L3MBTL4: variants seen among roughly 807,000 people sequenced by gnomAD.
The protein encoded by L3MBTL4 is lethal(3)malignant brain tumor-like protein 4.
L3MBTL4 carries 70 observed loss-of-function variants against 84.5 expected under a neutral mutation model. The ratio of observed to expected loss-of-function variants is 0.83; its 90% CI spans 0.68 to 1.01. The LOEUF (loss-of-function observed/expected upper bound fraction) is 1.01. L3MBTL4 is among the 50% of genes least tolerant of loss of function. L3MBTL4 has a pLI of 0.00. For synonymous variants in L3MBTL4, 274 were observed against 259.8 expected (o/e 1.05, Z -0.52); for missense variants, 715 against 754.8 (o/e 0.95, Z 0.62).
chr18:6,254,634 G>C (rs1355634271), intron 5 of L3MBTL4, among the ~76,000 whole-genome samples: 1 of 152,098 alleles, frequency 6.6e-6, no homozygotes, highest in Non-Finnish European at 1.5e-5. Flanking sequence ...CTGCTGCCAA[G>C]ATTGTAGCAA....
chr18:6,412,524 C>T (rs1477115911), intron 1 of L3MBTL4, among the ~76,000 whole-genome samples: 2 of 152,054 alleles, frequency 1.3e-5, no homozygotes, highest in South Asian at 2.1e-4. Context: ...GTGCTTCCTA[C>T]GCAGCCTCCT....
intron 13 of L3MBTL4, among the ~76,000 whole-genome samples, chr18:6,160,775 G>A (rs1440973089): frequency 6.7e-6 from 1 of 149,416 alleles, no homozygotes; most frequent in Non-Finnish European, 1.5e-5. Flanking sequence ...AGAGCAGAAA[G>A]GAAATGGACA....
At chr18:6,152,063 T>C (rs951153592) in intron 13 of L3MBTL4, among the ~76,000 whole-genome samples, 5 of 152,256 alleles carry the variant, frequency 3.3e-5, no homozygotes, top group African/African-American at 9.6e-5. Flanking sequence ...ACAGGATTTC[T>C]TTCTTTTTAT....
chr18:6,190,444 T>C (rs561523584), intron 12 of L3MBTL4, among the ~76,000 whole-genome samples: 1 of 152,314 alleles, frequency 6.6e-6, no homozygotes, highest in African/African-American at 2.4e-5. Flanking sequence ...CCTTCCTTTA[T>C]AAAACAACAG....
Position 6,309,990 on chromosome 18 carries a change from A to T in L3MBTL4, c.72+1564T>A, listed in dbSNP as rs1039630927. Reference sequence around the variant, plus strand: ...GCTTCAGAATCACCTGGATTGTTAAAACAGATTGCTGGGCCCCACCCCTAG... The same window carrying T: ...GCTTCAGAATCACCTGGATTGTTAATACAGATTGCTGGGCCCCACCCCTAG... On this transcript the variant is annotated intron_variant, in intron 3 of 18. Transcript: ENST00000317931. 6.6e-5 allele frequency among the ~76,000 whole-genome samples: 10 copies of T among 152,310 alleles called. No individual in the cohort carries two copies. The East Asian group carries it at 1.9e-3, about 29-fold the overall frequency.
chr18:6,343,520 C>T (rs2052715178), intron 1 of L3MBTL4, among the ~76,000 whole-genome samples: 1 of 151,798 alleles, frequency 6.6e-6, no homozygotes, highest in African/African-American at 2.4e-5. Context: ...AAAAAATTAG[C>T]CGGGCATGGT....
intron 14 of L3MBTL4, among the ~76,000 whole-genome samples, chr18:6,114,466 A>G (rs778060770): frequency 9.9e-5 from 15 of 152,278 alleles, no homozygotes; most frequent in Non-Finnish European, 1.9e-4. Context: ...CTGTATTCAT[A>G]TATTTTGTAT....
Position 5,993,400 on chromosome 18 carries a change from A to G in L3MBTL4, c.1445-23838T>C, listed in dbSNP as rs1184666397. 2.0e-5 allele frequency among the ~76,000 whole-genome samples: 3 copies of G among 152,242 alleles called. No individual in the cohort carries two copies. In the East Asian group the frequency reaches 5.8e-4, roughly 29 times the overall value. On this transcript the variant is annotated intron_variant, in intron 16 of 18. Coordinates refer to ENST00000317931, the MANE Select transcript of L3MBTL4 (RefSeq NM_001330559.2). ...CTGAGCAAGCCACGGGTCTCTGCAA[A>G]TTAAACCAAGAAGAGCTTTAACAAT...
intron 1 of L3MBTL4, among the ~76,000 whole-genome samples, chr18:6,318,751 G>C: frequency 6.6e-6 from 1 of 151,888 alleles, no homozygotes; most frequent in Non-Finnish European, 1.5e-5. Flanking sequence ...AGGAAGCAAT[G>C]AAATTAAACT....
At chr18:6,326,776 C>T (rs1318937392) in intron 1 of L3MBTL4, 1 of 152,140 alleles carries the variant, frequency 6.6e-6, no homozygotes, top group Non-Finnish European at 1.5e-5. Flanking sequence ...AATTCTGTTC[C>T]ACTGATAAGT....
intron 1 of L3MBTL4, among the ~76,000 whole-genome samples, chr18:6,345,225 A>G (rs1434024105): frequency 5.8e-4 from 78 of 133,410 alleles, no homozygotes; most frequent in African/African-American, 2.3e-3. Flanking sequence ...CAAAAAAAAA[A>G]AAAAAAAAAA....
intron 10 of L3MBTL4, among the ~76,000 whole-genome samples, chr18:6,223,438 G>T (rs954754623): frequency 6.6e-6 from 1 of 152,168 alleles, no homozygotes; most frequent in Non-Finnish European, 1.5e-5. Context: ...TGAGTTGGAA[G>T]GAATTTGCCA....
chr18:6,095,209 C>A (rs148958197), intron 14 of L3MBTL4, among the ~76,000 whole-genome samples: 1 of 152,202 alleles, frequency 6.6e-6, no homozygotes, highest in East Asian at 1.9e-4. Context: ...AAGGTATTAG[C>A]GTATTTATTT....
chr18:6,099,222 T>C (rs2058733922), intron 14 of L3MBTL4, among the ~76,000 whole-genome samples: 1 of 152,184 alleles, frequency 6.6e-6, no homozygotes, highest in South Asian at 2.1e-4. Flanking sequence ...CTGTATTGTC[T>C]TTAGTATGCA....
At chr18:6,340,527 T>C (rs560139706) in intron 1 of L3MBTL4, among the ~76,000 whole-genome samples, 2 of 152,176 alleles carry the variant, frequency 1.3e-5, no homozygotes, top group South Asian at 4.2e-4. Flanking sequence ...TAACCAAGAA[T>C]ATTGAGGGGA....
chr18:6,233,699 C>T (rs536079877), intron 10 of L3MBTL4, among the ~76,000 whole-genome samples: 26 of 152,230 alleles, frequency 1.7e-4, no homozygotes, highest in African/African-American at 6.0e-4. Flanking sequence ...ATTCCATGCT[C>T]ATGGGTAGGA....
Position 6,141,574 on chromosome 18 carries a change from G to C in L3MBTL4, c.1097-3278C>G, listed in dbSNP as rs574065793. On this transcript the variant is annotated intron_variant, in intron 13 of 18. Transcript: ENST00000317931. ...TGACTGCATTACCCTCCATCCAGGAGCCTGGATCCTTGACATCATTTCTCG... is the reference window on the plus strand; with the variant it reads ...TGACTGCATTACCCTCCATCCAGGACCCTGGATCCTTGACATCATTTCTCG... 4.6e-5 allele frequency among the ~76,000 whole-genome samples: 7 copies of C among 152,214 alleles called. No individual in the cohort carries two copies. The South Asian group carries it at 1.5e-3, about 32-fold the overall frequency.
intron 1 of L3MBTL4, among the ~76,000 whole-genome samples, chr18:6,413,747 A>C (rs2058591017): frequency 6.6e-6 from 1 of 152,186 alleles, no homozygotes; most frequent in Admixed American, 6.5e-5. Flanking sequence ...CAGCATGGGA[A>C]TGGCCGAGTG....
intron 12 of L3MBTL4, among the ~76,000 whole-genome samples, chr18:6,197,575 C>T (rs768004463): frequency 1.3e-5 from 2 of 152,166 alleles, no homozygotes; most frequent in South Asian, 2.1e-4. Context: ...AATGAACATA[C>T]GTGTGCGTGT....
Sources: gnomAD v4.1 joint callset for allele counts (sites outside exome capture counted in the v4.1 genomes callset) on GRCh38, gnomAD v4.1.1 for gene constraint, MANE v1.5 for transcripts, NCBI Gene and HGNC (gene_info 2026-07-23, HGNC 2026-07-21) for gene names.